RTN4RL1: variants seen among roughly 807,000 people sequenced by gnomAD.
RTN4RL1 encodes reticulon 4 receptor like 1, also known as reticulon-4 receptor-like 1.
In RTN4RL1, 7 loss-of-function variants were observed where a neutral mutation model predicts 25.6. The ratio of observed to expected loss-of-function variants is 0.27; its 90% CI spans 0.16 to 0.51. The LOEUF is 0.51. RTN4RL1 is among the 20% of genes least tolerant of loss of function. The pLI, the probability that RTN4RL1 is intolerant of heterozygous loss-of-function variation, is 0.97. For synonymous variants in RTN4RL1, 297 were observed against 288.2 expected, an observed-to-expected ratio of 1.03 and a Z score of -0.31; for missense variants, 500 against 615.6, an observed-to-expected ratio of 0.81 and a Z score of 1.99.
Position 2,025,238 on chromosome 17 carries a change from C to T in RTN4RL1, c.-373G>A, listed in dbSNP as rs554494780. The T allele has an allele frequency of 8.6e-5, 16 of 185,000 alleles. No homozygotes were observed. In the South Asian group the frequency reaches 2.9e-3, roughly 33 times the overall value. The allele number at this position is 185,000 out of a possible 1,614,324, so 11.5% of individuals were successfully genotyped here. A position where few individuals can be genotyped will look rare whatever the true frequency, so the allele number is the denominator to read the frequency against. On this transcript the variant is annotated 5_prime_UTR_variant, in exon 1 of 2. Coordinates refer to ENST00000331238, the MANE Select transcript of RTN4RL1 (RefSeq NM_178568.4). The surrounding 1 kb of genome is among the most constrained non-coding windows in gnomAD (Gnocchi z 4.8). Reference sequence around the variant, plus strand: ...CGCAGCCCCCTCCTCTCCGCCCCCTCGGACCACCGCCGCCGCGGCTGCAGC... The same window carrying T: ...CGCAGCCCCCTCCTCTCCGCCCCCTTGGACCACCGCCGCCGCGGCTGCAGC...
At chr17:1,971,517 C>A (rs1479962475) in intron 1 of RTN4RL1, among the ~76,000 whole-genome samples, 3 of 152,172 alleles carry the variant, frequency 2.0e-5, no homozygotes, top group Admixed American at 6.6e-5. Context: ...AGGCTCTGAG[C>A]AGGAAGGTCT....
At position 1,994,804 on chromosome 17, in the gene RTN4RL1, T is replaced by G. The variant is rs1020055765; in HGVS notation, c.13+30049A>C. ...GGTTAAAAAGGAGGCTTATAAAGAT[T>G]AAATGACGGCCAGGTGCAGTGGCTC... On this transcript the variant is annotated intron_variant, in intron 1 of 1. Coordinates refer to ENST00000331238, the MANE Select transcript of RTN4RL1 (RefSeq NM_178568.4). The surrounding 1 kb of genome is among the most constrained non-coding windows in gnomAD (Gnocchi z 4.3). Among the ~76,000 whole-genome samples the G allele has an allele frequency of 6.6e-6, 1 of 151,982 alleles. No individual in the cohort carries two copies. Among genetic ancestry groups the G allele is most frequent in the African/African-American group, 2.4e-5 (1 of 41,352 alleles).
At chr17:1,959,804 C>G (rs1420983081) in intron 1 of RTN4RL1, among the ~76,000 whole-genome samples, 1 of 152,102 alleles carries the variant, frequency 6.6e-6, no homozygotes, top group Admixed American at 6.6e-5. Flanking sequence ...ACCTCGTGAT[C>G]CACCCACCTC....
chr17:1,950,630 TGAG>T (rs1915652660), intron 1 of RTN4RL1, among the ~76,000 whole-genome samples: 1 of 149,076 alleles, frequency 6.7e-6, no homozygotes, highest in Non-Finnish European at 1.5e-5. Context: ...GTGGATCACT[TGAG>T]TTCAGGAGTT....
chr17:1,943,256 C>T (rs1915475405), intron 1 of RTN4RL1, among the ~76,000 whole-genome samples: 1 of 152,258 alleles, frequency 6.6e-6, no homozygotes, highest in African/African-American at 2.4e-5. Context: ...GCGAGCAGGC[C>T]TCAACCCAGC....
intron 1 of RTN4RL1, among the ~76,000 whole-genome samples, chr17:1,954,734 G>A (rs953844858): frequency 5.3e-5 from 8 of 152,140 alleles, no homozygotes; most frequent in South Asian, 4.1e-4. Flanking sequence ...GCACTGCTGC[G>A]CGTCCAACTG....
At chr17:2,007,342 A>ACACACACACACACT (rs2067005516) in intron 1 of RTN4RL1, among the ~76,000 whole-genome samples, 1 of 122,834 alleles carries the variant, frequency 8.1e-6, no homozygotes. Flanking sequence ...GCCCCAACAC[A>ACACACACACACACT]CACACACACA....
rs1351408308 is a variant in RTN4RL1 at position 1,980,836 on chromosome 17, G to A, written c.14-43028C>T. Among the ~76,000 whole-genome samples the A allele has an allele frequency of 2.4e-5, 3 of 125,336 alleles. No individual in the cohort carries two copies. The South Asian group carries it at 8.6e-4, about 36-fold the overall frequency. 82.2% of individuals were successfully genotyped at this position (125,336 alleles called of 152,430 possible). A position where few individuals can be genotyped will look rare whatever the true frequency, so the allele number is the denominator to read the frequency against. On this transcript the variant is annotated intron_variant, in intron 1 of 1. Coordinates refer to ENST00000331238, the MANE Select transcript of RTN4RL1 (RefSeq NM_178568.4). ...CCAGCTACTCAGGAGGCTGAGGCAG[G>A]AGAATCACTTGAACCCAGGAGGTGG...
At chr17:1,949,240 C>A (rs533812603) in intron 1 of RTN4RL1, among the ~76,000 whole-genome samples, 2 of 152,054 alleles carry the variant, frequency 1.3e-5, no homozygotes, top group Non-Finnish European at 2.9e-5. Context: ...GGATTACAGG[C>A]GTGAGCCACC....
rs1285209237 is a variant in RTN4RL1 at position 1,998,690 on chromosome 17, C to T, written c.13+26163G>A. ...CGCGGCGCTTTCCTGCCCAAGCTGG[C>T]GCTGCCGGAGCGCCCGGGCCCCGCT... On this transcript the variant is annotated intron_variant, in intron 1 of 1. Coordinates refer to ENST00000331238, the MANE Select transcript of RTN4RL1 (RefSeq NM_178568.4). The surrounding 1 kb of genome is among the most constrained non-coding windows in gnomAD (Gnocchi z 4.9). Among the ~76,000 whole-genome samples the T allele has an allele frequency of 6.6e-6, 1 of 151,404 alleles. No individual in the cohort carries two copies. The highest frequency in any genetic ancestry group is 2.0e-4 in the East Asian group (1 of 5,070).
chr17:2,024,086 G>A (rs2067244577), intron 1 of RTN4RL1, among the ~76,000 whole-genome samples: 1 of 152,168 alleles, frequency 6.6e-6, no homozygotes, highest in African/African-American at 2.4e-5. Context: ...AACCACGTGG[G>A]GGCGCGGCGG....
intron 1 of RTN4RL1, among the ~76,000 whole-genome samples, chr17:1,953,333 G>C (rs567377202): frequency 1.3e-5 from 2 of 152,106 alleles, no homozygotes; most frequent in Admixed American, 6.6e-5. Context: ...TTGAGCCCAA[G>C]AGCTTAAGGC....
intron 1 of RTN4RL1, among the ~76,000 whole-genome samples, chr17:1,979,734 GA>G (rs1433796752): frequency 6.6e-6 from 1 of 152,198 alleles, no homozygotes; most frequent in East Asian, 1.9e-4. Context: ...CAGAAAAGGG[GA>G]AAAAACAGGC....
chr17:1,969,058 C>CTTTTTTTTTTTTTT lies in RTN4RL1; in HGVS notation c.14-31264_14-31251dup, dbSNP rs566553225. 4.8e-5 allele frequency among the ~76,000 whole-genome samples: 5 copies of CTTTTTTTTTTTTTT among 103,896 alleles called. 1 individual carries two copies. The highest frequency in any genetic ancestry group is 1.3e-4 in the Admixed American group (1 of 7,662). 68.2% of individuals were successfully genotyped at this position (103,896 alleles called of 152,430 possible). On this transcript the variant is annotated intron_variant, in intron 1 of 1. Transcript: ENST00000331238. The stretch of plus-strand genomic sequence containing the variant: ...TCGTGGGGGAGCTGGACCACTGTCC[C>CTTTTTTTTTTTTTT]TTTTTTTTTTTTTTTTTTGAGATGG...
At chr17:1,992,729 C>T (rs983437094) in intron 1 of RTN4RL1, among the ~76,000 whole-genome samples, 1 of 152,228 alleles carries the variant, frequency 6.6e-6, no homozygotes, top group Non-Finnish European at 1.5e-5. Context: ...AGGCAGTTCC[C>T]ACTTAGCACA....
At chr17:1,970,061 G>C (rs143633744) in intron 1 of RTN4RL1, among the ~76,000 whole-genome samples, 1 of 142,310 alleles carries the variant, frequency 7.0e-6, no homozygotes, top group Admixed American at 7.3e-5. Flanking sequence ...TCACTCTGTC[G>C]TCTAGGCTGG....
chr17:1,941,808 G>A (rs75326379), intron 1 of RTN4RL1, among the ~76,000 whole-genome samples: 1,609 of 152,226 alleles, frequency 0.011, 26 homozygotes, highest in African/African-American at 0.037. Context: ...TGGCCCCGCC[G>A]CCTCTGGTAC....
Position 1,937,022 on chromosome 17 carries a change from C to A in RTN4RL1, c.800G>T (p.Trp267Leu), listed in dbSNP as rs770752769. 1 of 1,604,998 alleles carries A rather than the reference C, an allele frequency of 6.2e-7. No individual in the cohort carries two copies. Among genetic ancestry groups the A allele is most frequent in the Non-Finnish European group, 8.5e-7 (1 of 1,178,290 alleles). ...GCCCCGGAACCTCTGCAGCCATTCC[C>A]ACAGGGAGCGCGCGCGACAACCACA... Reference protein sequence around the residue: ...WDCGCRARSLWEWLQRFRGSS... With the variant: ...WDCGCRARSLLEWLQRFRGSS... Residue 267 changes from tryptophan (W) to leucine (L), a missense_variant, in exon 2 of 2, where the codon TGG (tryptophan) becomes TTG (leucine). By Grantham distance (61) the Trp-to-Leu change is moderately conservative. Transcript: ENST00000331238.
chr17:2,023,976 G>A (rs1443729660), intron 1 of RTN4RL1, among the ~76,000 whole-genome samples: 2 of 152,146 alleles, frequency 1.3e-5, no homozygotes, highest in Non-Finnish European at 2.9e-5. Context: ...TGGGAGGGGA[G>A]AGGCAGACGC....
Sources: gnomAD v4.1 joint callset for allele counts (sites outside exome capture counted in the v4.1 genomes callset) on GRCh38, gnomAD v4.1.1 for gene constraint, Gnocchi (gnomAD v3.1) non-coding constraint, MANE v1.5 for transcripts, NCBI Gene and HGNC (gene_info 2026-07-23, HGNC 2026-07-21) for gene names.